DYNC2LI1: variants seen among roughly 807,000 people sequenced by gnomAD.
DYNC2LI1 encodes dynein cytoplasmic 2 light intermediate chain 1.
DYNC2LI1 carries 45 observed loss-of-function variants against 51.9 expected under a neutral mutation model. The observed-to-expected ratio is 0.87, with a 90% CI of 0.68 to 1.11. The LOEUF (loss-of-function observed/expected upper bound fraction) is 1.11. DYNC2LI1 is among the 50% of genes most tolerant of loss of function. The pLI, the probability that DYNC2LI1 is intolerant of heterozygous loss-of-function variation, is 0.00. For missense variants in DYNC2LI1, 490 were observed against 417.4 expected, an observed-to-expected ratio of 1.17 and a Z score of -1.51; for synonymous variants, 130 against 137.8, an observed-to-expected ratio of 0.94 and a Z score of 0.40.
chr2:43,826,575 G>A, the DYNC2LI1 span: 1 of 1,612,242 alleles, frequency 6.2e-7, no homozygotes, highest in Non-Finnish European at 8.5e-7. Context: ...CAGGCTCTGT[G>A]CTTAAAACTC....
rs762110402 is a variant in DYNC2LI1 at position 43,787,222 on chromosome 2, A to G, written c.203A>G (p.Tyr68Cys). Residue 68 changes from tyrosine to cysteine, a missense_variant, in exon 4 of 13, where the codon TAT becomes TGT. Coordinates refer to ENST00000260605, the MANE Select transcript of DYNC2LI1 (RefSeq NM_016008.4). ...PKPTLALEYT[Y>C]GRRAKGHNTP... ...CCAACCTTAGCTTTGGAATATACAT[A>G]TGGAAGAAGAGCAAAAGGGCACAAC... The G allele has an allele frequency of 1.9e-6, 3 of 1,613,416 alleles. No homozygotes were observed. Among genetic ancestry groups the G allele is most frequent in the Middle Eastern group, 1.7e-4 (1 of 6,056 alleles).
At chr2:43,803,718 C>T (rs888249461) in intron 10 of DYNC2LI1, among the ~76,000 whole-genome samples, 1 of 152,076 alleles carries the variant, frequency 6.6e-6, no homozygotes, top group East Asian at 1.9e-4. Context: ...TAAAACTTGG[C>T]AAAGCTGAAT....
intron 2 of DYNC2LI1, among the ~76,000 whole-genome samples, chr2:43,783,134 T>G (rs1180419153): frequency 6.6e-6 from 1 of 152,234 alleles, no homozygotes; most frequent in Non-Finnish European, 1.5e-5. Flanking sequence ...TTTTTCTTTA[T>G]TTCCACTTCA....
the DYNC2LI1 span, among the ~76,000 whole-genome samples, chr2:43,823,565 G>A: frequency 6.6e-6 from 1 of 152,092 alleles, no homozygotes; most frequent in Non-Finnish European, 1.5e-5. Flanking sequence ...GAAGCTAACG[G>A]TACAAAGTTG....
rs762046678 is a variant in DYNC2LI1 at position 43,809,813 on chromosome 2, A to T, written c.*46A>T. ...ATTTATTTCTTCTTTTCCAAATACAAATAAGATTATACTGTGAATTAACTA... is the reference window on the plus strand; with the variant it reads ...ATTTATTTCTTCTTTTCCAAATACATATAAGATTATACTGTGAATTAACTA... On this transcript the variant is annotated 3_prime_UTR_variant, in exon 13 of 13. Transcript: ENST00000260605. 4.5e-6 allele frequency: 7 copies of T among 1,566,044 alleles called. No homozygotes were observed. Among genetic ancestry groups the T allele is most frequent in the Non-Finnish European group, 5.2e-6 (6 of 1,155,900 alleles).
chr2:43,798,208 G>A (rs1159467375), intron 8 of DYNC2LI1, among the ~76,000 whole-genome samples: 2 of 152,110 alleles, frequency 1.3e-5, no homozygotes, highest in African/African-American at 4.8e-5. Context: ...AGACAACATG[G>A]TCTAGCCGCT....
chr2:43,790,985 C>T (rs1673755294), intron 5 of DYNC2LI1, among the ~76,000 whole-genome samples: 1 of 152,048 alleles, frequency 6.6e-6, no homozygotes, highest in Non-Finnish European at 1.5e-5. Context: ...GAGGCCAGAG[C>T]CAGTGGATCA....
intron 10 of DYNC2LI1, 104 bp downstream of exon 10, chr2:43,801,813 A>C: frequency 1.3e-6 from 1 of 772,838 alleles, no homozygotes; most frequent in Non-Finnish European, 2.1e-6. Context: ...TTCTGGTTTC[A>C]TTATCATTGC....
the DYNC2LI1 span, among the ~76,000 whole-genome samples, chr2:43,815,743 G>T: frequency 6.6e-6 from 1 of 152,042 alleles, no homozygotes; most frequent in Admixed American, 6.6e-5. Flanking sequence ...ACAGTGGGAG[G>T]GGAGCTCGGA....
intron 3 of DYNC2LI1, among the ~76,000 whole-genome samples, 166 bp downstream of exon 3, chr2:43,783,720 A>C (rs563751576): frequency 2.9e-4 from 44 of 152,306 alleles, no homozygotes; most frequent in Non-Finnish European, 1.5e-4. Context: ...TTAAATATAA[A>C]ACTAACAATA....
intron 10 of DYNC2LI1, among the ~76,000 whole-genome samples, chr2:43,803,118 T>A (rs1313523003): frequency 1.3e-5 from 2 of 152,180 alleles, no homozygotes; most frequent in Admixed American, 1.3e-4. Context: ...AACAGTTTCT[T>A]ACGAAACTAA....
chr2:43,775,692 CTT>C (rs540756527), intron 1 of DYNC2LI1: 2,172 of 319,592 alleles, frequency 6.8e-3, no homozygotes, highest in South Asian at 9.0e-3. Context: ...TTTTTATTTT[CTT>C]TTTTTTTTTT....
At chr2:43,813,709 G>GTTTTTTTT (rs1214033245), downstream of DYNC2LI1, among the ~76,000 whole-genome samples, 31 of 34,070 alleles carry the variant, frequency 9.1e-4, no homozygotes, top group South Asian at 2.6e-3. Context: ...TTTTTTTTTC[G>GTTTTTTTT]TTTTTTTTTT....
chr2:43,823,076 G>C, the DYNC2LI1 span: 1 of 1,111,142 alleles, frequency 9.0e-7, no homozygotes, highest in South Asian at 1.3e-5. Flanking sequence ...AGAAGGAGGG[G>C]ACCTGCCATC....
At chr2:43,795,390 G>A (rs1673987294) in intron 6 of DYNC2LI1, among the ~76,000 whole-genome samples, 1 of 152,198 alleles carries the variant, frequency 6.6e-6, no homozygotes, top group South Asian at 2.1e-4. Context: ...TGTAGTCCCA[G>A]CTACTTGGGA....
chr2:43,823,127 C>A, the DYNC2LI1 span, among the ~76,000 whole-genome samples: 2 of 152,122 alleles, frequency 1.3e-5, no homozygotes, highest in African/African-American at 4.8e-5. Flanking sequence ...CTACACTCTA[C>A]CAGAATTGCA....
chr2:43,800,942 C>T, intron 9 of DYNC2LI1, 25 bp downstream of exon 9: 2 of 1,479,890 alleles, frequency 1.4e-6, no homozygotes, highest in Non-Finnish European at 1.9e-6. Flanking sequence ...TTTTTTATAT[C>T]ATTTATTGAG....
chr2:43,789,950 T>C (rs1673699233), intron 5 of DYNC2LI1, among the ~76,000 whole-genome samples: 1 of 152,196 alleles, frequency 6.6e-6, no homozygotes, highest in Admixed American at 6.5e-5. Context: ...CCCAGTAACA[T>C]ATTTTGCAAG....
At chr2:43,799,574 A>G (rs1666007155) in intron 8 of DYNC2LI1, among the ~76,000 whole-genome samples, 1 of 152,212 alleles carries the variant, frequency 6.6e-6, no homozygotes, top group South Asian at 2.1e-4. Flanking sequence ...TAATACTACC[A>G]TTATCTGAAA....
Sources: allele counts gnomAD v4.1 joint callset (sites outside exome capture counted in the v4.1 genomes callset), GRCh38; gene constraint gnomAD v4.1.1; transcripts MANE v1.5; gene names NCBI Gene and HGNC (gene_info 2026-07-23, HGNC 2026-07-21).